Variants in PEBP1 observed in about 807,000 individuals in gnomAD.
PEBP1 encodes phosphatidylethanolamine-binding protein 1.
In PEBP1, 17 loss-of-function variants were observed where a neutral mutation model predicts 22.7. The observed-to-expected ratio is 0.75, with a 90% CI of 0.51 to 1.12. PEBP1 has a LOEUF of 1.12. Ranked by LOEUF, PEBP1 falls within the 50% of genes most tolerant of loss-of-function variation. PEBP1 has a pLI of 0.00. For missense variants in PEBP1, 205 were observed against 243.5 expected (o/e 0.84, Z 1.05); for synonymous variants, 106 against 104.3 (o/e 1.02, Z -0.10).
intron 3 of PEBP1, among the ~76,000 whole-genome samples, chr12:118,142,296 G>A (rs146164208): frequency 0.014 from 2,037 of 150,454 alleles, 45 homozygotes; most frequent in African/African-American, 0.047. Flanking sequence ...AGGTTTAAGC[G>A]ATTCTCCTGC....
At chr12:118,139,414 C>T in intron 2 of PEBP1, 37 bp from the exon 3 acceptor site, 2 of 1,429,750 alleles carry the variant, frequency 1.4e-6, no homozygotes, top group South Asian at 1.1e-5. Flanking sequence ...GTTCCCTGAT[C>T]TCCTGTGGTG....
chr12:118,140,525 CAAGT>C (rs1429616682), intron 3 of PEBP1, among the ~76,000 whole-genome samples: 5 of 152,028 alleles, frequency 3.3e-5, no homozygotes, highest in Admixed American at 6.6e-5. Context: ...GCAATTCTCT[CAAGT>C]AAGAGCTGTG....
Position 118,136,267 on chromosome 12 carries a change from CA to C in PEBP1, c.59del (p.Gln20ArgfsTer22). The C allele has an allele frequency of 6.5e-7, 1 of 1,547,164 alleles. No homozygotes were observed. Among genetic ancestry groups the C allele is most frequent in the South Asian group, 1.2e-5 (1 of 83,974 alleles). On this transcript the variant is annotated frameshift_variant, in exon 1 of 4. Transcript: ENST00000261313. LOFTEE classifies it high-confidence loss of function. This position sits in a 1 kb window ranked among gnomAD's most constrained non-coding sequence, Gnocchi z 5.6. ...GPLSLQEVDEQPQHPLHVTYA... is the reference protein window; with the variant it reads ...GPLSLQEVDEXPQHPLHVTYA... ...CTTGAGCCTGCAAGAAGTGGACGAG[CA>C]GCCGCAGCACCCGCTGCATGTCACC...
chr12:118,138,114 C>A lies in PEBP1; in HGVS notation c.211C>A (p.Pro71Thr). The A allele has an allele frequency of 4.3e-6, 7 of 1,613,562 alleles. No homozygotes were observed. The highest frequency in any genetic ancestry group is 5.9e-6 in the Non-Finnish European group (7 of 1,179,632). Residue 71 changes from proline (P) to threonine (T), a missense_variant, in exon 2 of 4, where the codon CCG becomes ACG. Coordinates refer to ENST00000261313, the MANE Select transcript of PEBP1 (RefSeq NM_002567.4). Reference protein sequence around the residue: ...GKLYTLVLTDPDAPSRKDPKY... With the variant: ...GKLYTLVLTDTDAPSRKDPKY... ...GCTCTACACCTTGGTCCTGACAGAC[C>A]CGGATGCTCCCAGCAGGAAGGATCC... is the stretch of plus-strand genomic sequence containing the variant.
At chr12:118,142,959 C>G (rs1475067374) in intron 3 of PEBP1, among the ~76,000 whole-genome samples, 4 of 150,774 alleles carry the variant, frequency 2.7e-5, no homozygotes, top group African/African-American at 7.3e-5. Flanking sequence ...ACCCTCCTAC[C>G]TCAGGCTCCC....
At position 118,136,436 on chromosome 12, in the gene PEBP1, C is replaced by T. The variant is rs922471069; in HGVS notation, c.135+92C>T. 5 of 1,403,806 alleles carry T rather than the reference C, an allele frequency of 3.6e-6. No homozygotes were observed. In the South Asian group the frequency reaches 7.2e-5, roughly 20 times the overall value. The allele number at this position is 1,403,806 out of a possible 1,614,324, so 87.0% of individuals were successfully genotyped here. A position where few individuals can be genotyped will look rare whatever the true frequency, so the allele number is the denominator to read the frequency against. On this transcript the variant is annotated intron_variant, in intron 1 of 3. Coordinates refer to ENST00000261313, the MANE Select transcript of PEBP1 (RefSeq NM_002567.4). The surrounding 1 kb of genome is among the most constrained non-coding windows in gnomAD (Gnocchi z 5.6). Reference sequence around the variant, plus strand: ...GACCCAGCGGAGACAGGGCCAGGGGCGGTGGGGAGGTTCAGCCTGCGTGTG... The same window carrying T: ...GACCCAGCGGAGACAGGGCCAGGGGTGGTGGGGAGGTTCAGCCTGCGTGTG...
At chr12:118,140,946 GAA>G (rs1309630659) in intron 3 of PEBP1, among the ~76,000 whole-genome samples, 1 of 152,126 alleles carries the variant, frequency 6.6e-6, no homozygotes, top group African/African-American at 2.4e-5. Flanking sequence ...CCACAGATCG[GAA>G]GGGTTCAGTC....
At chr12:118,137,984 G>T in intron 1 of PEBP1, 55 bp from the exon 2 acceptor site, 1 of 1,216,056 alleles carries the variant, frequency 8.2e-7, no homozygotes, top group Non-Finnish European at 1.2e-6. Context: ...ACCACACCCA[G>T]CCAGTTTCTT....
chr12:118,141,177 C>T (rs888172518), intron 3 of PEBP1, among the ~76,000 whole-genome samples: 9 of 151,662 alleles, frequency 5.9e-5, no homozygotes, highest in Non-Finnish European at 1.3e-4. Flanking sequence ...AGTGCAATGG[C>T]GTGATCTCGG....
intron 3 of PEBP1, 44 bp downstream of exon 3, chr12:118,139,595 G>C (rs375829235): frequency 1.4e-5 from 17 of 1,218,932 alleles, no homozygotes; most frequent in African/African-American, 9.0e-5. Flanking sequence ...GAGGGAGCTC[G>C]GGGGCACATT....
chr12:118,138,887 C>A (rs1440251760), intron 2 of PEBP1: 4 of 154,936 alleles, frequency 2.6e-5, no homozygotes, highest in Non-Finnish European at 4.3e-5. Context: ...ACTGTGGCCC[C>A]CAAAGCTTAA....
At chr12:118,139,158 C>T (rs12370463) in intron 2 of PEBP1, 4 of 325,698 alleles carry the variant, frequency 1.2e-5, no homozygotes, top group South Asian at 2.4e-5. Flanking sequence ...ACTAAAAATA[C>T]GAAAATTAGC....
intron 3 of PEBP1, among the ~76,000 whole-genome samples, chr12:118,141,275 C>T (rs1266701557): frequency 6.6e-6 from 1 of 152,126 alleles, no homozygotes; most frequent in Admixed American, 6.5e-5. Flanking sequence ...CACCACCACG[C>T]CCAGCTAATT....
At chr12:118,141,538 G>A (rs61943522) in intron 3 of PEBP1, among the ~76,000 whole-genome samples, 1 of 152,140 alleles carries the variant, frequency 6.6e-6, no homozygotes, top group Admixed American at 6.5e-5. Context: ...ATTCAAGACC[G>A]GCCTGGCCAA....
At position 118,144,839 on chromosome 12, in the gene PEBP1, CCCAAG is replaced by C. The variant is rs1566201447; in HGVS notation, c.*40_*44del. The C allele has an allele frequency of 1.2e-6, 2 of 1,612,786 alleles. No individual in the cohort carries two copies. Among genetic ancestry groups the C allele is most frequent in the Non-Finnish European group, 1.7e-6 (2 of 1,179,958 alleles). ...TGGGGACCTGAACTGTCCTGGAGGC[CCCAAG>C]CCATGTTCCCCAGTTCAGTGTTGCA... On this transcript the variant is annotated 3_prime_UTR_variant, in exon 4 of 4. Coordinates refer to ENST00000261313, the MANE Select transcript of PEBP1 (RefSeq NM_002567.4).
chr12:118,137,427 G>T (rs1185742544), intron 1 of PEBP1, among the ~76,000 whole-genome samples: 1 of 152,144 alleles, frequency 6.6e-6, no homozygotes, highest in Non-Finnish European at 1.5e-5. Context: ...GTGTGAGCAT[G>T]TAGTTCCCAG....
chr12:118,141,233 C>T (rs1420390756), intron 3 of PEBP1, among the ~76,000 whole-genome samples: 2 of 152,128 alleles, frequency 1.3e-5, no homozygotes, highest in East Asian at 3.9e-4. Flanking sequence ...TCTTCTGCCT[C>T]AGCCTCCTGA....
In PEBP1 at chr12:118,143,823, T is replaced by C. The variant is rs572704218; in HGVS notation, c.347-763T>C. ...AGGAGGCTGAGGCAGGAGAATTGCT[T>C]GAACCCAGGAGGCTGAGGTTGTAGT... On this transcript the variant is annotated intron_variant, in intron 3 of 3. Transcript: ENST00000261313. 1.2e-3 allele frequency among the ~76,000 whole-genome samples: 174 copies of C among 150,674 alleles called. 1 individual carries two copies. The highest frequency in any genetic ancestry group is 3.9e-3 in the African/African-American group (159 of 41,032).
chr12:118,144,544 T>G (rs1592929987), intron 3 of PEBP1, 42 bp from the exon 4 acceptor site: 3 of 1,558,660 alleles, frequency 1.9e-6, no homozygotes, highest in Non-Finnish European at 1.7e-6. Flanking sequence ...CCATCTCAAG[T>G]GCTGGGCTGT....
Sources: allele counts gnomAD v4.1 joint callset (sites outside exome capture counted in the v4.1 genomes callset), GRCh38; gene constraint gnomAD v4.1.1; non-coding constraint Gnocchi (gnomAD v3.1); transcripts MANE v1.5; gene names NCBI Gene and HGNC (gene_info 2026-07-23, HGNC 2026-07-21).